The following SNX18 variants were observed in gnomAD, a reference collection of about 807,000 sequenced individuals.
The protein encoded by SNX18 is sorting nexin-18.
In SNX18, 35 loss-of-function variants were observed where a neutral mutation model predicts 48.7. The observed-to-expected ratio is 0.72, with a 90% CI of 0.55 to 0.95. The LOEUF is 0.95. Among genes scored for constraint, SNX18 ranks in the 40% least tolerant of loss-of-function variants. The pLI, the probability that SNX18 is intolerant of heterozygous loss-of-function variation, is 0.00. For missense variants in SNX18, 824 were observed against 871.0 expected (o/e 0.95, Z 0.68); for synonymous variants, 492 against 384.7 (o/e 1.28, Z -3.26).
At chr5:54,621,052 A>G in the SNX18 span, among the ~76,000 whole-genome samples, 1 of 152,140 alleles carries the variant, frequency 6.6e-6, no homozygotes, top group Non-Finnish European at 1.5e-5. Flanking sequence ...CCCCCAGTAA[A>G]TCCTTTATGG....
In SNX18 at chr5:54,517,798, C is replaced by T. The variant is rs1195910492; in HGVS notation, c.-155C>T. 4.4e-6 allele frequency: 3 copies of T among 679,694 alleles called. No individual in the cohort carries two copies. In the South Asian group the frequency reaches 1.6e-4, roughly 36 times the overall value. The allele number at this position is 679,694 out of a possible 1,614,324, so 42.1% of individuals were successfully genotyped here. A position where few individuals can be genotyped will look rare whatever the true frequency, so the allele number is the denominator to read the frequency against. On this transcript the variant is annotated 5_prime_UTR_variant, in exon 1 of 2. Coordinates refer to ENST00000381410, the MANE Select transcript of SNX18 (RefSeq NM_001102575.2). ...AGTGGAGGCGCTGCGAGCGGAGCCGCGCGGAGGGCGCGACCGGCTGGTCCG... is the reference window on the plus strand; with the variant it reads ...AGTGGAGGCGCTGCGAGCGGAGCCGTGCGGAGGGCGCGACCGGCTGGTCCG...
intron 1 of SNX18, among the ~76,000 whole-genome samples, chr5:54,534,457 G>A (rs1762312655): frequency 1.3e-5 from 2 of 152,074 alleles, no homozygotes; most frequent in South Asian, 4.1e-4. Context: ...TTGGGGGCAG[G>A]CAGAAAGAGG....
chr5:54,618,246 T>A, the SNX18 span, among the ~76,000 whole-genome samples: 3 of 152,258 alleles, frequency 2.0e-5, no homozygotes, highest in African/African-American at 7.2e-5. Flanking sequence ...GCTATGATTG[T>A]AAGTTTCTTG....
At chr5:54,599,104 C>T in the SNX18 span, among the ~76,000 whole-genome samples, 1 of 152,122 alleles carries the variant, frequency 6.6e-6, no homozygotes, top group Non-Finnish European at 1.5e-5. Context: ...AGCAGAGAGC[C>T]AAATTGTGAG....
chr5:54,594,429 G>C, the SNX18 span, among the ~76,000 whole-genome samples: 1 of 152,182 alleles, frequency 6.6e-6, no homozygotes, highest in Non-Finnish European at 1.5e-5. Context: ...AGAAAGGCCT[G>C]CTTGGAAGGT....
chr5:54,630,113 T>A, the SNX18 span, among the ~76,000 whole-genome samples: 390 of 152,326 alleles, frequency 2.6e-3, 4 homozygotes, highest in Non-Finnish European at 1.7e-3. Flanking sequence ...CAGCTTCTGA[T>A]AACTGCATCA....
chr5:54,520,775 G>A (rs930823267), intron 1 of SNX18: 4 of 166,990 alleles, frequency 2.4e-5, no homozygotes, highest in African/African-American at 7.3e-5. Flanking sequence ...TTCCAAATGC[G>A]TGACTGGTCT....
chr5:54,576,779 T>TTGTG, the SNX18 span, among the ~76,000 whole-genome samples: 1 of 115,324 alleles, frequency 8.7e-6, no homozygotes, highest in Non-Finnish European at 2.0e-5. Flanking sequence ...CTGTGTTTGT[T>TTGTG]TGTTTGTTTG....
At chr5:54,594,906 A>G in the SNX18 span, among the ~76,000 whole-genome samples, 1 of 152,192 alleles carries the variant, frequency 6.6e-6, no homozygotes, top group African/African-American at 2.4e-5. Context: ...GCTCCGTCTT[A>G]TAAATGAGCA....
chr5:54,606,915 TTCCAACA>T, the SNX18 span, among the ~76,000 whole-genome samples: 1 of 152,136 alleles, frequency 6.6e-6, no homozygotes, highest in Non-Finnish European at 1.5e-5. Context: ...ATACTGACAG[TTCCAACA>T]TCACAAGGAT....
intron 1 of SNX18, among the ~76,000 whole-genome samples, chr5:54,537,161 C>G (rs1762373239): frequency 1.3e-5 from 2 of 152,104 alleles, no homozygotes; most frequent in African/African-American, 4.8e-5. Context: ...GAAACCTTGT[C>G]TCTACAGTTT....
rs112157030 is a variant in SNX18, at chr5:54,528,259, G to A, written c.1621+8686G>A. 6.5e-4 allele frequency among the ~76,000 whole-genome samples: 88 copies of A among 136,290 alleles called. 1 individual carries two copies. Among genetic ancestry groups the A allele is most frequent in the African/African-American group, 2.0e-3 (81 of 40,346 alleles). 89.4% of individuals were successfully genotyped at this position (136,290 alleles called of 152,430 possible). ...AAGATCCAGAGAATACATTCACCTT[G>A]TTGCTTGACTTGGATACACACGGAG... is the stretch of plus-strand genomic sequence containing the variant. On this transcript the variant is annotated intron_variant, in intron 1 of 1. Coordinates refer to ENST00000381410, the MANE Select transcript of SNX18 (RefSeq NM_001102575.2).
At chr5:54,552,530 C>A in the SNX18 span, among the ~76,000 whole-genome samples, 1 of 152,212 alleles carries the variant, frequency 6.6e-6, no homozygotes, top group Admixed American at 6.5e-5. Context: ...GAAACCAAAT[C>A]ATCGTCATCT....
chr5:54,575,250 C>A, the SNX18 span, among the ~76,000 whole-genome samples: 1 of 151,982 alleles, frequency 6.6e-6, no homozygotes. Flanking sequence ...GGAGCCCCAG[C>A]GTTTGAGTCT....
At chr5:54,611,631 C>T in the SNX18 span, among the ~76,000 whole-genome samples, 2 of 152,150 alleles carry the variant, frequency 1.3e-5, no homozygotes, top group African/African-American at 2.4e-5. Flanking sequence ...TTTCACTTGC[C>T]TGGAATGGTA....
intron 1 of SNX18, among the ~76,000 whole-genome samples, chr5:54,525,662 C>T (rs1238776072): frequency 2.0e-5 from 3 of 152,136 alleles, no homozygotes; most frequent in African/African-American, 7.2e-5. Flanking sequence ...CCCCTCTAAC[C>T]CAAATCACGT....
chr5:54,534,498 T>C (rs1762314125), intron 1 of SNX18, among the ~76,000 whole-genome samples: 1 of 151,964 alleles, frequency 6.6e-6, no homozygotes, highest in Non-Finnish European at 1.5e-5. Context: ...ACAGCTTCTT[T>C]AAAGGGAGGG....
chr5:54,574,511 C>A, the SNX18 span, among the ~76,000 whole-genome samples: 1 of 152,128 alleles, frequency 6.6e-6, no homozygotes. Context: ...GAAAATGTAA[C>A]CTTTACTCTG....
chr5:54,647,264 G>A, the SNX18 span, among the ~76,000 whole-genome samples: 1 of 152,196 alleles, frequency 6.6e-6, no homozygotes, highest in Non-Finnish European at 1.5e-5. Context: ...GCAGGAAAAA[G>A]ATCGTATTGC....
Sources: allele counts gnomAD v4.1 joint callset (sites outside exome capture counted in the v4.1 genomes callset), GRCh38; gene constraint gnomAD v4.1.1; transcripts MANE v1.5; gene names NCBI Gene and HGNC (gene_info 2026-07-23, HGNC 2026-07-21).